RTL4: variants seen among roughly 807,000 people sequenced by gnomAD.
RTL4 encodes the protein retrotransposon Gag-like protein 4.
Under a neutral mutation model 5.3 loss-of-function variants are expected in RTL4, and 4 were observed. The observed-to-expected ratio is 0.75, with a 90% CI of 0.37 to 1.72. The LOEUF is 1.72. Ranked by LOEUF, RTL4 falls within the 40% of genes most tolerant of loss-of-function variation. The pLI is 0.04. For synonymous variants in RTL4, 98 were observed against 87.3 expected (o/e 1.12, Z -0.68); for missense variants, 260 against 227.1 (o/e 1.14, Z -0.93).
the RTL4 span, among the ~76,000 whole-genome samples, chrX:112,310,716 AATATTAT>A: frequency 1.3e-5 from 1 of 74,283 alleles, no homozygotes; most frequent in Non-Finnish European, 2.3e-5. Flanking sequence ...AATATATTTC[AATATTAT>A]ATATTATATA....
At chrX:112,170,129 T>C in the RTL4 span, among the ~76,000 whole-genome samples, 2 of 112,202 alleles carry the variant, frequency 1.8e-5, no homozygotes, top group East Asian at 5.6e-4. Flanking sequence ...TGTCTGTTTT[T>C]GTACCAGTAC....
the RTL4 span, among the ~76,000 whole-genome samples, chrX:112,151,442 G>C: frequency 8.9e-6 from 1 of 111,801 alleles, no homozygotes; most frequent in South Asian, 3.7e-4. Flanking sequence ...ACAACCTGGT[G>C]TGCACTAACC....
the RTL4 span, among the ~76,000 whole-genome samples, chrX:112,287,711 A>G: frequency 9.0e-6 from 1 of 110,663 alleles, no homozygotes; most frequent in Non-Finnish European, 1.9e-5. Flanking sequence ...GACAGCCAGC[A>G]AATTGTGTTA....
the RTL4 span, among the ~76,000 whole-genome samples, chrX:112,213,903 G>A: frequency 9.2e-6 from 1 of 108,931 alleles, no homozygotes; most frequent in Non-Finnish European, 1.9e-5. Flanking sequence ...TATATTTAAT[G>A]TATACAACTT....
chrX:112,414,779 T>C, the RTL4 span, among the ~76,000 whole-genome samples: 5,624 of 111,488 alleles, frequency 0.05, 134 homozygotes, highest in African/African-American at 0.08. Flanking sequence ...AGGCACAATG[T>C]GACAGGTTTG....
chrX:112,251,610 C>G, the RTL4 span, among the ~76,000 whole-genome samples: 1 of 110,895 alleles, frequency 9.0e-6, no homozygotes, highest in East Asian at 2.8e-4. Context: ...TATTGCACAG[C>G]CTTACATAGA....
chrX:112,318,499 T>C, the RTL4 span, among the ~76,000 whole-genome samples: 1 of 112,282 alleles, frequency 8.9e-6, no homozygotes, highest in African/African-American at 3.2e-5. Flanking sequence ...GGAGCTTATA[T>C]GTGCCTATTT....
chrX:112,331,004 A>T, the RTL4 span, among the ~76,000 whole-genome samples: 1 of 108,872 alleles, frequency 9.2e-6, no homozygotes, highest in Non-Finnish European at 1.9e-5. Context: ...ACAAAAATTA[A>T]TTCAAGATGG....
At chrX:112,176,564 T>G in the RTL4 span, among the ~76,000 whole-genome samples, 6 of 111,385 alleles carry the variant, frequency 5.4e-5, no homozygotes, top group South Asian at 7.6e-4. Context: ...TTTTTTTAAA[T>G]TGATATAACA....
the RTL4 span, among the ~76,000 whole-genome samples, chrX:112,338,221 C>G: frequency 9.0e-6 from 1 of 111,509 alleles, no homozygotes; most frequent in Non-Finnish European, 1.9e-5. Flanking sequence ...CTTACTTGCA[C>G]CCAGTTGCCC....
At chrX:112,150,626 A>G in the RTL4 span, among the ~76,000 whole-genome samples, 1 of 112,095 alleles carries the variant, frequency 8.9e-6, no homozygotes, top group Non-Finnish European at 1.9e-5. Context: ...TGAAAATCTG[A>G]TACAATCTAT....
chrX:112,448,988 G>A, the RTL4 span, among the ~76,000 whole-genome samples: 1 of 111,661 alleles, frequency 9.0e-6, no homozygotes, highest in Non-Finnish European at 1.9e-5. Flanking sequence ...AGGAAAACTG[G>A]GGAAATGTAA....
chrX:112,218,530 G>C, the RTL4 span, among the ~76,000 whole-genome samples: 1 of 111,533 alleles, frequency 9.0e-6, no homozygotes, highest in Non-Finnish European at 1.9e-5. Context: ...ACCCAATTTC[G>C]AGATCCTTTA....
the RTL4 span, among the ~76,000 whole-genome samples, chrX:112,251,202 A>AATT: frequency 8.9e-6 from 1 of 112,536 alleles, no homozygotes; most frequent in African/African-American, 3.2e-5. Flanking sequence ...AAATTCTGTC[A>AATT]ATTTTTACCT....
At chrX:112,086,120 C>G in the RTL4 span, among the ~76,000 whole-genome samples, 22 of 112,188 alleles carry the variant, frequency 2.0e-4, no homozygotes, top group Admixed American at 1.7e-3. Flanking sequence ...TTTCCCTCTT[C>G]TATTTCCTAT....
chrX:112,338,331 C>T, the RTL4 span, among the ~76,000 whole-genome samples: 1 of 111,702 alleles, frequency 9.0e-6, no homozygotes, highest in Non-Finnish European at 1.9e-5. Context: ...TTCAGAATCT[C>T]CTGCTCCCAA....
At chrX:112,086,455 C>A in the RTL4 span, among the ~76,000 whole-genome samples, 1 of 112,241 alleles carries the variant, frequency 8.9e-6, no homozygotes, top group South Asian at 3.7e-4. Context: ...AAAAATATCT[C>A]AGTGTGATTA....
chrX:112,241,141 T>C, the RTL4 span, among the ~76,000 whole-genome samples: 7 of 111,518 alleles, frequency 6.3e-5, no homozygotes, highest in African/African-American at 2.3e-4. Flanking sequence ...TGTGCATATG[T>C]CTTTATGGTA....
At chrX:112,096,591 A>G in the RTL4 span, among the ~76,000 whole-genome samples, 2 of 111,494 alleles carry the variant, frequency 1.8e-5, no homozygotes, top group African/African-American at 6.5e-5. Context: ...TAGACTTATT[A>G]TATACAGAAT....
Sources: allele counts gnomAD v4.1 joint callset (sites outside exome capture counted in the v4.1 genomes callset), GRCh38; gene constraint gnomAD v4.1.1; transcripts MANE v1.5; gene names NCBI Gene and HGNC (gene_info 2026-07-23, HGNC 2026-07-21).